OLFM3: variants seen among roughly 807,000 people sequenced by gnomAD.
OLFM3 encodes olfactomedin 3.
OLFM3 carries 20 observed loss-of-function variants against 48.6 expected under a neutral mutation model. The observed-to-expected ratio is 0.41, with a 90% confidence interval of 0.29 to 0.60. The LOEUF is 0.60. Among genes scored for constraint, OLFM3 ranks in the 20% least tolerant of loss-of-function variants. The pLI, the probability that OLFM3 is intolerant of heterozygous loss-of-function variation, is 0.28. For synonymous variants in OLFM3, 222 were observed against 198.1 expected, an observed-to-expected ratio of 1.12 and a Z score of -1.01; for missense variants, 437 against 544.3, an observed-to-expected ratio of 0.80 and a Z score of 1.96.
At chr1:101,811,333 A>G (rs1654040496) in intron 4 of OLFM3, among the ~76,000 whole-genome samples, 1 of 152,140 alleles carries the variant, frequency 6.6e-6, no homozygotes, top group Admixed American at 6.6e-5. Context: ...CAAACTAATG[A>G]CAAATGGGAT....
At chr1:101,947,975 T>C (rs115254431) in intron 1 of OLFM3, among the ~76,000 whole-genome samples, 313 of 152,300 alleles carry the variant, frequency 2.1e-3, no homozygotes, top group African/African-American at 7.4e-3. Context: ...AAGCCAACTT[T>C]TGCCACCAGT....
intron 4 of OLFM3, among the ~76,000 whole-genome samples, chr1:101,813,623 T>C (rs1027886699): frequency 2.0e-5 from 3 of 152,308 alleles, no homozygotes; most frequent in Non-Finnish European, 2.9e-5. Context: ...TGAACACTTA[T>C]GAATTTAGTG....
At chr1:101,978,776 C>G (rs1203232924) in intron 1 of OLFM3, among the ~76,000 whole-genome samples, 1 of 152,058 alleles carries the variant, frequency 6.6e-6, no homozygotes, top group Non-Finnish European at 1.5e-5. Flanking sequence ...TCCTTTCATT[C>G]TATTATATCA....
chr1:101,971,847 A>T (rs781733095), intron 1 of OLFM3, among the ~76,000 whole-genome samples: 2 of 151,970 alleles, frequency 1.3e-5, no homozygotes, highest in Non-Finnish European at 2.9e-5. Flanking sequence ...TTTGTAGTTT[A>T]TGTCCCAGTA....
At chr1:101,870,272 C>T (rs904049683) in intron 1 of OLFM3, among the ~76,000 whole-genome samples, 1 of 152,060 alleles carries the variant, frequency 6.6e-6, no homozygotes, top group Non-Finnish European at 1.5e-5. Flanking sequence ...GGATGTTGTT[C>T]ATTACCTTAA....
chr1:101,956,095 T>TTTTATA (rs1553183045), intron 1 of OLFM3, among the ~76,000 whole-genome samples: 4 of 143,714 alleles, frequency 2.8e-5, no homozygotes, highest in Non-Finnish European at 1.5e-5. Context: ...GGTTTTTTTT[T>TTTTATA]TTTTTTTTAA....
intron 1 of OLFM3, among the ~76,000 whole-genome samples, chr1:101,909,468 G>C (rs1658674081): frequency 6.6e-6 from 1 of 152,178 alleles, no homozygotes; most frequent in African/African-American, 2.4e-5. Flanking sequence ...ATTATATTCT[G>C]TTTGGGCTGG....
intron 2 of OLFM3, 51 bp downstream of exon 2, chr1:101,836,828 A>C (rs1557695839): frequency 6.3e-7 from 1 of 1,575,208 alleles, no homozygotes; most frequent in Non-Finnish European, 8.7e-7. Context: ...TTCCTTTTGA[A>C]AGAATGGTCG....
chr1:101,897,702 A>C (rs1014051102), intron 1 of OLFM3, among the ~76,000 whole-genome samples: 3 of 152,198 alleles, frequency 2.0e-5, no homozygotes, highest in Non-Finnish European at 4.4e-5. Flanking sequence ...CTTTTAGAAA[A>C]GTAAATAACA....
Position 101,825,188 on chromosome 1 carries a change from T to C in OLFM3, c.430A>G (p.Lys144Glu), listed in dbSNP as rs537938960. 5.0e-6 allele frequency: 8 copies of C among 1,614,018 alleles called. No homozygotes were observed. The highest frequency in any genetic ancestry group is 2.2e-5 in the East Asian group (1 of 44,886). Reference sequence around the variant, plus strand: ...TGGGTGATTAACTTAGCATCTGTTTTGTACTGTTCCAGCACGGGGATCAAA... The same window carrying C: ...TGGGTGATTAACTTAGCATCTGTTTCGTACTGTTCCAGCACGGGGATCAAA... ...LPLIPVLEQY[K>E]TDAKLITQFK... Residue 144 changes from lysine (K) to glutamate (E), a missense_variant, in exon 4 of 6, where the codon AAA (lysine) becomes GAA (glutamate). Physicochemically the swap from Lys to Glu is moderately conservative, Grantham distance 56. Transcript: ENST00000370103.
intron 1 of OLFM3, among the ~76,000 whole-genome samples, chr1:101,921,494 G>C (rs1018171301): frequency 6.6e-6 from 1 of 152,086 alleles, no homozygotes; most frequent in Non-Finnish European, 1.5e-5. Flanking sequence ...GCTGGTGTAG[G>C]CTCCTTGAGA....
chr1:101,963,525 A>AGACTTACAGAGACTTACAGC, intron 1 of OLFM3, among the ~76,000 whole-genome samples: 1 of 151,490 alleles, frequency 6.6e-6, no homozygotes, highest in Admixed American at 6.6e-5. Flanking sequence ...AGACTTACAG[A>AGACTTACAGAGACTTACAGC]GACTTACAGC....
chr1:101,901,935 A>C (rs577174869), intron 1 of OLFM3, among the ~76,000 whole-genome samples: 1 of 152,220 alleles, frequency 6.6e-6, no homozygotes, highest in African/African-American at 2.4e-5. Context: ...AAGTGAGGTC[A>C]TAATAAGAAT....
chr1:101,925,478 T>G (rs1008497750), intron 1 of OLFM3, among the ~76,000 whole-genome samples: 1 of 151,042 alleles, frequency 6.6e-6, no homozygotes, highest in East Asian at 1.9e-4. Flanking sequence ...TGTATGTGAG[T>G]GTGTGTGTGT....
chr1:101,901,820 T>C (rs1557723555), intron 1 of OLFM3, among the ~76,000 whole-genome samples: 1 of 152,040 alleles, frequency 6.6e-6, no homozygotes, highest in Non-Finnish European at 1.5e-5. Flanking sequence ...AGTGGAAAAG[T>C]AATAGGTATA....
intron 1 of OLFM3, among the ~76,000 whole-genome samples, chr1:101,935,970 C>A (rs980038876): frequency 6.6e-6 from 1 of 151,968 alleles, no homozygotes; most frequent in African/African-American, 2.4e-5. Flanking sequence ...AAAGAACATG[C>A]CTCAAAATAA....
At position 101,802,732 on chromosome 1, in the gene OLFM3, A is replaced by G. The variant is rs1653548536; in HGVS notation, c.*1506T>C. Reference sequence around the variant, plus strand: ...ACATCCTTATCTTTCAAAGAAAATCATGGTACTATGTATGTGTGAAACTAA... The same window carrying G: ...ACATCCTTATCTTTCAAAGAAAATCGTGGTACTATGTATGTGTGAAACTAA... On this transcript the variant is annotated 3_prime_UTR_variant, in exon 6 of 6. Coordinates refer to ENST00000370103, the MANE Select transcript of OLFM3 (RefSeq NM_058170.4). 2 of 151,662 alleles carry G rather than the reference A, an allele frequency of 1.3e-5. No homozygotes were observed. Among genetic ancestry groups the G allele is most frequent in the Non-Finnish European group, 3.0e-5 (2 of 67,730 alleles). 9.4% of individuals were successfully genotyped at this position (151,662 alleles called of 1,614,324 possible).
chr1:101,960,423 C>T (rs1660433462), intron 1 of OLFM3, among the ~76,000 whole-genome samples: 1 of 152,148 alleles, frequency 6.6e-6, no homozygotes, highest in South Asian at 2.1e-4. Flanking sequence ...AGGTCAAGGG[C>T]TCATTATAAT....
chr1:101,886,890 G>A (rs1300909028), intron 1 of OLFM3, among the ~76,000 whole-genome samples: 1 of 151,984 alleles, frequency 6.6e-6, no homozygotes, highest in Non-Finnish European at 1.5e-5. Flanking sequence ...CATCTCCTAT[G>A]ACAGGCTCTG....
Sources: gnomAD v4.1 joint callset for allele counts (sites outside exome capture counted in the v4.1 genomes callset) on GRCh38, gnomAD v4.1.1 for gene constraint, MANE v1.5 for transcripts, NCBI Gene and HGNC (gene_info 2026-07-23, HGNC 2026-07-21) for gene names.